CCDC125: variants seen among roughly 807,000 people sequenced by gnomAD.
CCDC125 encodes the protein coiled-coil domain-containing protein 125.
A neutral mutation model predicts 57.4 loss-of-function variants in CCDC125; 43 were observed. That is an observed-to-expected ratio of 0.75 (90% CI 0.59 to 0.97). CCDC125 has a LOEUF of 0.97. Among genes scored for constraint, CCDC125 ranks in the 50% least tolerant of loss-of-function variants. The pLI is 0.00. For missense variants in CCDC125, 563 were observed against 595.7 expected (o/e 0.95, Z 0.57); for synonymous variants, 187 against 195.2 (o/e 0.96, Z 0.35).
At chr5:69,283,259 A>G (rs754340828) in intron 11 of CCDC125, among the ~76,000 whole-genome samples, 4 of 143,736 alleles carry the variant, frequency 2.8e-5, no homozygotes, top group South Asian at 2.2e-4. Flanking sequence ...TGGCTCTGTC[A>G]CCCAGGCTGG....
chr5:69,320,571 A>G lies in CCDC125; in HGVS notation c.-31T>C. The G allele has an allele frequency of 6.6e-7, 1 of 1,517,366 alleles. No homozygotes were observed. The allele number at this position is 1,517,366 out of a possible 1,614,324, so 94.0% of individuals were successfully genotyped here. A position where few individuals can be genotyped will look rare whatever the true frequency, so the allele number is the denominator to read the frequency against. The stretch of plus-strand genomic sequence containing the variant: ...AAATGCCGTCTTTATCATAAGAAAA[A>G]ATGGGCTGTCTGTAGTTAAGAAAAA... On this transcript the variant is annotated 5_prime_UTR_variant, in exon 2 of 12. Coordinates refer to ENST00000396496, the MANE Select transcript of CCDC125 (RefSeq NM_176816.5).
At chr5:69,311,071 T>C (rs768258307) in intron 4 of CCDC125, 47 bp downstream of exon 4, 15 of 1,270,520 alleles carry the variant, frequency 1.2e-5, no homozygotes, top group Non-Finnish European at 1.7e-5. Context: ...ATACCAACAT[T>C]ATTATTGGAA....
rs1401367586 is a variant in CCDC125, at chr5:69,311,139, T to A, written c.432A>T (p.Ala144=). Residue 144 remains alanine, a synonymous_variant, in exon 4 of 12, where the codon GCA becomes GCT. Coordinates refer to ENST00000396496, the MANE Select transcript of CCDC125 (RefSeq NM_176816.5). ...TTACCATGCTTTGAAGAATTTTCAA[T>A]GCTTCCTCTTTACCTCTGAGTTGTC... is the stretch of plus-strand genomic sequence containing the variant. ...SQRQLRGKEE[A]LKILQSMAIL... 1 of 1,609,530 alleles carries A rather than the reference T, an allele frequency of 6.2e-7. No individual in the cohort carries two copies. Among genetic ancestry groups the A allele is most frequent in the Admixed American group, 1.7e-5 (1 of 59,720 alleles).
rs115851858 is a variant in CCDC125 at position 69,300,370 on chromosome 5, A to G, written c.701-243T>C. Among the ~76,000 whole-genome samples, 1,271 of 152,296 alleles carry G rather than the reference A, an allele frequency of 8.3e-3. 10 individuals are homozygous for G. The highest frequency in any genetic ancestry group is 0.013 in the Non-Finnish European group (891 of 68,016). On this transcript the variant is annotated intron_variant, in intron 7 of 11. Transcript: ENST00000396496. ...ATCTTAACTTTGCAACTGAAGTCGG[A>G]TTCCTGTTTCCTCTTGGAAAATTTG...
chr5:69,327,094 CTTTTT>C (rs34614722), intron 1 of CCDC125, among the ~76,000 whole-genome samples: 58 of 136,966 alleles, frequency 4.2e-4, no homozygotes, highest in East Asian at 4.3e-4. Context: ...TATTCTCCCA[CTTTTT>C]TTTTTTTTTT....
chr5:69,276,649 CT>C (rs1752170408), downstream of CCDC125: 1 of 1,613,980 alleles, frequency 6.2e-7, no homozygotes, highest in South Asian at 1.1e-5. Flanking sequence ...TCAAATCCAG[CT>C]TTGGCAATAA....
At chr5:69,329,659 C>T (rs1761176327) in intron 1 of CCDC125, among the ~76,000 whole-genome samples, 1 of 151,872 alleles carries the variant, frequency 6.6e-6, no homozygotes. Context: ...CCTGCCACCA[C>T]ACCCAGCTAA....
chr5:69,292,234 A>G lies in CCDC125; in HGVS notation c.1053T>C (p.His351=). The G allele has an allele frequency of 6.2e-7, 1 of 1,613,536 alleles. No individual in the cohort carries two copies. Among genetic ancestry groups the G allele is most frequent in the Admixed American group, 1.7e-5 (1 of 59,942 alleles). The change falls in exon 10 of 12, where the codon CAT becomes CAC. Residue 351 remains histidine (H), a synonymous_variant. Coordinates refer to ENST00000396496, the MANE Select transcript of CCDC125 (RefSeq NM_176816.5). Reference sequence around the variant, plus strand: ...AATTCATCCATTTTGTTGCTTTTTTATGCATTTTATCCATTTGTGTCAATT... The same window carrying G: ...AATTCATCCATTTTGTTGCTTTTTTGTGCATTTTATCCATTTGTGTCAATT... ...ALQLTQMDKM[H]KKATKWMNWK... is the part of the protein sequence containing the mutation.
chr5:69,285,968 C>A (rs866304716), intron 10 of CCDC125, among the ~76,000 whole-genome samples: 11 of 151,686 alleles, frequency 7.3e-5, no homozygotes, highest in African/African-American at 2.4e-4. Flanking sequence ...AGCTTGATTT[C>A]CTCATCTCTA....
chr5:69,298,085 G>A (rs1372934602), intron 8 of CCDC125, among the ~76,000 whole-genome samples: 2 of 150,390 alleles, frequency 1.3e-5, no homozygotes, highest in Non-Finnish European at 3.0e-5. Flanking sequence ...GCACAATCCC[G>A]GCTCACTGCA....
chr5:69,321,897 C>A (rs531097656), intron 1 of CCDC125, among the ~76,000 whole-genome samples: 1 of 151,916 alleles, frequency 6.6e-6, no homozygotes, highest in Non-Finnish European at 1.5e-5. Context: ...AGTGTGGTGG[C>A]GCAATCTTGA....
At chr5:69,303,561 C>G (rs1002856896) in intron 7 of CCDC125, among the ~76,000 whole-genome samples, 1 of 150,040 alleles carries the variant, frequency 6.7e-6, no homozygotes, top group Middle Eastern at 3.7e-3. Flanking sequence ...AATGGAGTTT[C>G]ATTATGTTGG....
chr5:69,319,462 A>C (rs1019464484), intron 2 of CCDC125, among the ~76,000 whole-genome samples: 2 of 151,862 alleles, frequency 1.3e-5, no homozygotes, highest in Non-Finnish European at 2.9e-5. Context: ...TACAATATTT[A>C]GAAATATAAA....
chr5:69,276,707 T>C (rs1209148710), downstream of CCDC125: 1 of 1,602,196 alleles, frequency 6.2e-7, no homozygotes, highest in South Asian at 1.1e-5. Flanking sequence ...TTCCCACTTT[T>C]AAAAGAAATT....
Position 69,285,482 on chromosome 5 carries a change from G to GA in CCDC125, c.1100-16dup. 6.3e-7 allele frequency: 1 copy of GA among 1,588,692 alleles called. No homozygotes were observed. Among genetic ancestry groups the GA allele is most frequent in the East Asian group, 2.3e-5 (1 of 44,438 alleles). ...TGATGGAAATCCTAAAATTGAACATGAGAATCCAGCTGAGACATTAAAATA... is the reference window on the plus strand; with the variant it reads ...TGATGGAAATCCTAAAATTGAACATGAAGAATCCAGCTGAGACATTAAAATA... On this transcript the variant is annotated splice_polypyrimidine_tract_variant and intron_variant, in intron 10 of 11. Transcript: ENST00000396496.
chr5:69,293,642 C>T (rs1351649716), intron 9 of CCDC125, among the ~76,000 whole-genome samples: 4 of 111,406 alleles, frequency 3.6e-5, no homozygotes, highest in East Asian at 2.6e-4. Flanking sequence ...AGCAAGAATC[C>T]GTCTCAAAAA....
At chr5:69,275,583 G>T (rs571659810), downstream of CCDC125, among the ~76,000 whole-genome samples, 1 of 152,100 alleles carries the variant, frequency 6.6e-6, no homozygotes, top group Non-Finnish European at 1.5e-5. Context: ...GAATGATGAC[G>T]TGATGCCACA....
chr5:69,286,616 T>C (rs1753529585), intron 10 of CCDC125, among the ~76,000 whole-genome samples: 1 of 152,142 alleles, frequency 6.6e-6, no homozygotes, highest in Admixed American at 6.6e-5. Context: ...ATTAGCATAA[T>C]ATTTAATATT....
the CCDC125 span, among the ~76,000 whole-genome samples, chr5:69,273,503 A>G: frequency 1.3e-5 from 2 of 152,160 alleles, no homozygotes; most frequent in Non-Finnish European, 2.9e-5. Flanking sequence ...CATTGAGAAC[A>G]TGGTAATGGG....
Sources: gnomAD v4.1 joint callset for allele counts (sites outside exome capture counted in the v4.1 genomes callset) on GRCh38, gnomAD v4.1.1 for gene constraint, MANE v1.5 for transcripts, NCBI Gene and HGNC (gene_info 2026-07-23, HGNC 2026-07-21) for gene names.